The following ROBO2 variants were observed in gnomAD, a reference collection of about 807,000 sequenced individuals.
ROBO2 encodes the protein roundabout homolog 2.
Under a neutral mutation model 160.8 loss-of-function variants are expected in ROBO2, and 53 were observed. The observed-to-expected ratio is 0.33, with a 90% CI of 0.26 to 0.41. ROBO2 has a LOEUF of 0.41. Ranked by LOEUF, ROBO2 falls within the 10% of genes least tolerant of loss-of-function variation. The pLI is 1.00. For missense variants in ROBO2, 1,577 were observed against 1,722.4 expected (o/e 0.92, Z 1.49); for synonymous variants, 664 against 611.7 (o/e 1.09, Z -1.26).
chr3:77,021,094 A>C (rs1231237209), intron 2 of ROBO2, among the ~76,000 whole-genome samples: 1 of 152,068 alleles, frequency 6.6e-6, no homozygotes, highest in Non-Finnish European at 1.5e-5. Context: ...CCTGGGTCCT[A>C]GGAGGCTGAG....
intron 2 of ROBO2, among the ~76,000 whole-genome samples, chr3:77,170,622 T>C (rs1020217113): frequency 6.6e-6 from 1 of 152,150 alleles, no homozygotes; most frequent in African/African-American, 2.4e-5. Context: ...AACTGTTATC[T>C]GGTCCTATTT....
At chr3:75,913,468 A>G (rs890093300) in intron 1 of ROBO2, among the ~76,000 whole-genome samples, 3 of 152,322 alleles carry the variant, frequency 2.0e-5, no homozygotes, top group Middle Eastern at 6.8e-3. Context: ...TTGCTTACGC[A>G]TGGAAAAATA....
chr3:77,378,169 G>T (rs919594153), intron 2 of ROBO2, among the ~76,000 whole-genome samples: 3 of 152,180 alleles, frequency 2.0e-5, no homozygotes, highest in Non-Finnish European at 4.4e-5. Context: ...AAGTTAGAAT[G>T]AAAGTAACAT....
intron 2 of ROBO2, among the ~76,000 whole-genome samples, chr3:77,027,960 A>C (rs1248516764): frequency 1.3e-5 from 2 of 152,142 alleles, no homozygotes; most frequent in Admixed American, 6.5e-5. Context: ...CCCAACGACT[A>C]TTAAATCACA....
chr3:77,081,859 G>A (rs1234212928), intron 1 of ROBO2, among the ~76,000 whole-genome samples: 1 of 152,136 alleles, frequency 6.6e-6, no homozygotes, highest in African/African-American at 2.4e-5. Flanking sequence ...CAATGCTTGG[G>A]TGGTTTTGGT....
At chr3:76,995,537 CA>C (rs373968378) in intron 2 of ROBO2, among the ~76,000 whole-genome samples, 2,884 of 152,270 alleles carry the variant, frequency 0.019, 38 homozygotes, top group Middle Eastern at 0.055. Context: ...CTGACTTCCA[CA>C]ATGGTTGAAC....
intron 2 of ROBO2, among the ~76,000 whole-genome samples, chr3:77,421,546 G>A (rs1161061708): frequency 6.6e-6 from 1 of 152,076 alleles, no homozygotes; most frequent in East Asian, 1.9e-4. Context: ...TAGAGAAAAA[G>A]CCCACAAACT....
chr3:76,895,510 TATTG>T (rs1228794294), intron 2 of ROBO2, among the ~76,000 whole-genome samples: 3 of 152,094 alleles, frequency 2.0e-5, no homozygotes, highest in Non-Finnish European at 4.4e-5. Flanking sequence ...ATAATTTCTT[TATTG>T]ATTATTGTGT....
chr3:76,129,847 A>T (rs2106661368), intron 2 of ROBO2, among the ~76,000 whole-genome samples: 1 of 152,070 alleles, frequency 6.6e-6, no homozygotes, highest in Non-Finnish European at 1.5e-5. Context: ...CCGTCCTAGC[A>T]CCAGGATATT....
At chr3:75,912,914 T>G (rs1264504741) in intron 1 of ROBO2, among the ~76,000 whole-genome samples, 1 of 152,220 alleles carries the variant, frequency 6.6e-6, no homozygotes, top group Admixed American at 6.5e-5. Flanking sequence ...ATTGTAGTGG[T>G]GTATTAGTTG....
intron 2 of ROBO2, among the ~76,000 whole-genome samples, chr3:76,206,723 A>C (rs17788458): frequency 0.3 from 44,836 of 151,188 alleles, 8,124 homozygotes; most frequent in Non-Finnish European, 0.4. Context: ...TCATCTTGGA[A>C]GATATGCTTC....
At chr3:76,894,082 A>G (rs937059110) in intron 2 of ROBO2, among the ~76,000 whole-genome samples, 4 of 152,064 alleles carry the variant, frequency 2.6e-5, no homozygotes, top group African/African-American at 7.2e-5. Context: ...CACCCTTTTG[A>G]AGTCTTGGTC....
At chr3:77,160,168 T>C (rs2078359613) in intron 2 of ROBO2, among the ~76,000 whole-genome samples, 1 of 152,128 alleles carries the variant, frequency 6.6e-6, no homozygotes, top group Non-Finnish European at 1.5e-5. Flanking sequence ...AAAGGGCAAC[T>C]ATACAAAACA....
chr3:76,343,490 C>T (rs1487423881), intron 2 of ROBO2, among the ~76,000 whole-genome samples: 2 of 151,778 alleles, frequency 1.3e-5, no homozygotes, highest in Non-Finnish European at 2.9e-5. Flanking sequence ...GAGAACTTAT[C>T]GAATATAACC....
chr3:77,322,463 T>C (rs1055746022), intron 2 of ROBO2, among the ~76,000 whole-genome samples: 13 of 152,098 alleles, frequency 8.5e-5, no homozygotes, highest in African/African-American at 2.9e-4. Flanking sequence ...GGGAGTGGGG[T>C]TTGTCTAACA....
chr3:76,145,319 A>T (rs2071842897), intron 2 of ROBO2, among the ~76,000 whole-genome samples: 1 of 152,064 alleles, frequency 6.6e-6, no homozygotes, highest in Non-Finnish European at 1.5e-5. Flanking sequence ...GCATAAAAGA[A>T]ACATAGTCCC....
chr3:76,804,951 G>T (rs1004193924), intron 2 of ROBO2, among the ~76,000 whole-genome samples: 7 of 152,210 alleles, frequency 4.6e-5, no homozygotes, highest in African/African-American at 1.7e-4. Context: ...TCTAAGACTA[G>T]ATTTATTTCC....
intron 2 of ROBO2, among the ~76,000 whole-genome samples, chr3:76,852,206 C>G (rs1374299538): frequency 1.3e-5 from 2 of 152,100 alleles, no homozygotes. Flanking sequence ...TGGAGAAAAG[C>G]ATTTTAGTGA....
intron 2 of ROBO2, among the ~76,000 whole-genome samples, chr3:76,425,303 A>G (rs1352100618): frequency 1.3e-5 from 2 of 152,024 alleles, no homozygotes; most frequent in Admixed American, 1.3e-4. Flanking sequence ...TAGGACCTGG[A>G]TATACTAAAG....
Sources: gnomAD v4.1 joint callset for allele counts (sites outside exome capture counted in the v4.1 genomes callset) on GRCh38, gnomAD v4.1.1 for gene constraint, MANE v1.5 for transcripts, NCBI Gene and HGNC (gene_info 2026-07-23, HGNC 2026-07-21) for gene names.